The following GAS2 variants were observed in gnomAD, a reference collection of about 807,000 sequenced individuals.
The protein encoded by GAS2 is growth arrest-specific protein 2.
A neutral mutation model predicts 37.5 loss-of-function variants in GAS2; 20 were observed. The ratio of observed to expected loss-of-function variants is 0.53; its 90% confidence interval spans 0.37 to 0.77. The LOEUF is 0.77. Ranked by LOEUF, GAS2 falls within the 30% of genes least tolerant of loss-of-function variation. GAS2 has a pLI of 0.00. For synonymous variants in GAS2, 144 were observed against 132.2 expected (o/e 1.09, Z -0.61); for missense variants, 336 against 373.4 (o/e 0.90, Z 0.82).
At chr11:22,652,997 T>G (rs541720180) in intron 1 of GAS2, among the ~76,000 whole-genome samples, 1 of 135,686 alleles carries the variant, frequency 7.4e-6, no homozygotes, top group East Asian at 2.2e-4. Context: ...TTCTTTGTCT[T>G]TCTTTCTTTC....
intron 3 of GAS2, among the ~76,000 whole-genome samples, chr11:22,697,857 G>T (rs1850613346): frequency 6.6e-6 from 1 of 152,026 alleles, no homozygotes; most frequent in Non-Finnish European, 1.5e-5. Context: ...GAGACAATGG[G>T]GTTTTCTAGA....
chr11:22,641,296 A>C (rs957472991), intron 1 of GAS2, among the ~76,000 whole-genome samples: 7 of 59,898 alleles, frequency 1.2e-4, no homozygotes, highest in East Asian at 4.9e-4. Context: ...ATCTTTATAT[A>C]TATATCTTTA....
chr11:22,691,782 G>A (rs963493509), intron 3 of GAS2, among the ~76,000 whole-genome samples: 7 of 152,050 alleles, frequency 4.6e-5, no homozygotes, highest in African/African-American at 1.7e-4. Flanking sequence ...TAAAATATAG[G>A]TAAAATATAT....
At chr11:22,726,968 G>A (rs2134169285) in intron 4 of GAS2, among the ~76,000 whole-genome samples, 1 of 152,220 alleles carries the variant, frequency 6.6e-6, no homozygotes, top group East Asian at 1.9e-4. Flanking sequence ...CATCAAAGAT[G>A]TTGAATTAAA....
intron 7 of GAS2, among the ~76,000 whole-genome samples, chr11:22,762,325 T>C (rs1412044049): frequency 6.6e-6 from 1 of 152,176 alleles, no homozygotes; most frequent in Non-Finnish European, 1.5e-5. Flanking sequence ...AGCTGCTTTA[T>C]GTTTATATTT....
intron 3 of GAS2, among the ~76,000 whole-genome samples, chr11:22,691,693 AT>A (rs1452852889): frequency 6.6e-6 from 1 of 152,138 alleles, no homozygotes; most frequent in Non-Finnish European, 1.5e-5. Flanking sequence ...GAAAGAAATA[AT>A]TTTTTTATAG....
rs750153838 is a variant in GAS2, at chr11:22,755,929, G to A, written c.699G>A (p.Val233=). The change falls in exon 7 of 8, where the codon GTG becomes GTA. Residue 233 remains valine, a synonymous_variant. Coordinates refer to ENST00000454584, the MANE Select transcript of GAS2 (RefSeq NM_001143830.3). ...VERLSQGRYR[V]GEKILFIRML... ...GGCTCTCCCAAGGAAGATACCGAGT[G>A]GGAGAAAAGATCCTCTTCATTAGGG... 1 of 1,611,608 alleles carries A rather than the reference G, an allele frequency of 6.2e-7. No individual in the cohort carries two copies. The highest frequency in any genetic ancestry group is 1.7e-5 in the Admixed American group (1 of 59,870).
At chr11:22,803,250 A>C (rs1483095813) in intron 7 of GAS2, among the ~76,000 whole-genome samples, 1 of 152,166 alleles carries the variant, frequency 6.6e-6, no homozygotes. Context: ...GCCAACAGAT[A>C]ACTAGTGTAT....
intron 1 of GAS2, among the ~76,000 whole-genome samples, chr11:22,648,002 C>G (rs1343476480): frequency 6.6e-6 from 1 of 152,154 alleles, no homozygotes; most frequent in Non-Finnish European, 1.5e-5. Flanking sequence ...CTTGCCCATA[C>G]CTATGTCCTG....
In GAS2 at chr11:22,757,322, T is replaced by A. The variant is rs577199825; in HGVS notation, c.723+1369T>A. Among the ~76,000 whole-genome samples the A allele has an allele frequency of 5.6e-4, 85 of 152,260 alleles. No individual in the cohort carries two copies. In the East Asian group the frequency reaches 0.015, roughly 27 times the overall value. On this transcript the variant is annotated intron_variant, in intron 7 of 7. Coordinates refer to ENST00000454584, the MANE Select transcript of GAS2 (RefSeq NM_001143830.3). Reference sequence around the variant, plus strand: ...ATAGTCCTTACTATATAAGGCAGGTTTTTTGATATTCCATTTTTCTTTTCA... The same window carrying A: ...ATAGTCCTTACTATATAAGGCAGGTATTTTGATATTCCATTTTTCTTTTCA...
chr11:22,798,348 A>G (rs1338873706), intron 7 of GAS2, among the ~76,000 whole-genome samples: 3 of 152,054 alleles, frequency 2.0e-5, no homozygotes, highest in African/African-American at 7.2e-5. Flanking sequence ...TGTTTGAACA[A>G]CTATGGGAGG....
At chr11:22,708,274 A>T (rs1037716170) in intron 3 of GAS2, among the ~76,000 whole-genome samples, 2 of 152,116 alleles carry the variant, frequency 1.3e-5, no homozygotes, top group Admixed American at 1.3e-4. Flanking sequence ...GATATTTTTG[A>T]GATTGTGTTT....
chr11:22,722,313 G>A (rs1851989160), intron 3 of GAS2, among the ~76,000 whole-genome samples: 3 of 151,886 alleles, frequency 2.0e-5, no homozygotes, highest in Admixed American at 2.0e-4. Flanking sequence ...GAAGCTATAA[G>A]TATGTATGTT....
intron 7 of GAS2, among the ~76,000 whole-genome samples, chr11:22,757,360 C>T (rs1270448431): frequency 6.6e-6 from 1 of 151,966 alleles, no homozygotes; most frequent in Non-Finnish European, 1.5e-5. Flanking sequence ...AAATAGTTAT[C>T]TTTTGATTAA....
intron 2 of GAS2, among the ~76,000 whole-genome samples, chr11:22,680,089 T>C (rs570008498): frequency 2.0e-5 from 3 of 152,274 alleles, no homozygotes; most frequent in Admixed American, 6.5e-5. Flanking sequence ...ACAGCTACTA[T>C]CTAATGAGTT....
intron 3 of GAS2, among the ~76,000 whole-genome samples, chr11:22,694,069 C>A (rs1214756219): frequency 6.6e-6 from 1 of 152,102 alleles, no homozygotes; most frequent in Non-Finnish European, 1.5e-5. Flanking sequence ...GGGTACTAGG[C>A]TTAATACCTG....
intron 1 of GAS2, among the ~76,000 whole-genome samples, chr11:22,648,671 A>C (rs760527945): frequency 6.6e-6 from 1 of 152,042 alleles, no homozygotes; most frequent in African/African-American, 2.4e-5. Context: ...TAGGTATTTT[A>C]TTCTCTTTGA....
chr11:22,654,027 A>G (rs1280845727), intron 1 of GAS2, among the ~76,000 whole-genome samples: 1 of 152,204 alleles, frequency 6.6e-6, no homozygotes, highest in East Asian at 1.9e-4. Context: ...AAGCCCCCAA[A>G]TTATTTTGAT....
intron 1 of GAS2, among the ~76,000 whole-genome samples, chr11:22,674,601 A>C (rs1565077552): frequency 6.6e-6 from 1 of 152,208 alleles, no homozygotes; most frequent in Non-Finnish European, 1.5e-5. Flanking sequence ...ATATTGTTTC[A>C]TACAAACTTG....
Sources: gnomAD v4.1 joint callset for allele counts (sites outside exome capture counted in the v4.1 genomes callset) on GRCh38, gnomAD v4.1.1 for gene constraint, MANE v1.5 for transcripts, NCBI Gene and HGNC (gene_info 2026-07-23, HGNC 2026-07-21) for gene names.